The following CSMD1 variants were observed in gnomAD, a reference collection of about 807,000 sequenced individuals.
CSMD1 encodes CUB and Sushi multiple domains 1, also known as CUB and sushi domain-containing protein 1.
CSMD1 carries 213 observed loss-of-function variants against 417.5 expected under a neutral mutation model. The ratio of observed to expected loss-of-function variants is 0.51; its 90% CI spans 0.46 to 0.57. The LOEUF is 0.57. Among genes scored for constraint, CSMD1 ranks in the 20% least tolerant of loss-of-function variants. The pLI is 0.00. For missense variants in CSMD1, 6,923 were observed against 4,529.7 expected, an observed-to-expected ratio of 1.53 and a Z score of -15.17; for synonymous variants, 2,862 against 1,736.8, an observed-to-expected ratio of 1.65 and a Z score of -16.11.
intron 3 of CSMD1, among the ~76,000 whole-genome samples, chr8:4,214,230 G>A (rs950015001): frequency 6.6e-6 from 1 of 152,174 alleles, no homozygotes; most frequent in African/African-American, 2.4e-5. Flanking sequence ...GGACTAAAAT[G>A]GAAGTAAGCC....
At chr8:3,857,806 C>T (rs1563150586) in intron 5 of CSMD1, among the ~76,000 whole-genome samples, 1 of 152,114 alleles carries the variant, frequency 6.6e-6, no homozygotes, top group Non-Finnish European at 1.5e-5. Context: ...AACACCAGGC[C>T]AGAGTAGAAA....
At chr8:4,737,174 T>A (rs1402709704) in intron 1 of CSMD1, among the ~76,000 whole-genome samples, 1 of 152,184 alleles carries the variant, frequency 6.6e-6, no homozygotes, top group Non-Finnish European at 1.5e-5. Context: ...AATGAGATCA[T>A]GTCCTCTGCA....
chr8:3,808,820 A>T (rs1800897846), intron 5 of CSMD1, among the ~76,000 whole-genome samples: 1 of 152,214 alleles, frequency 6.6e-6, no homozygotes, highest in Non-Finnish European at 1.5e-5. Context: ...TTGGCAGTAG[A>T]GCAAGGCTAT....
intron 3 of CSMD1, among the ~76,000 whole-genome samples, chr8:4,323,235 A>C (rs1488472939): frequency 6.6e-6 from 1 of 152,234 alleles, no homozygotes; most frequent in African/African-American, 2.4e-5. Context: ...GAAGTTAGGC[A>C]TTATGTATAA....
At chr8:4,946,228 T>C (rs887305492) in intron 1 of CSMD1, among the ~76,000 whole-genome samples, 3 of 152,218 alleles carry the variant, frequency 2.0e-5, no homozygotes, top group Admixed American at 1.3e-4. Flanking sequence ...TAAATCCCTG[T>C]CTTGTTACGT....
intron 1 of CSMD1, among the ~76,000 whole-genome samples, chr8:4,843,734 A>G (rs765869586): frequency 6.6e-6 from 1 of 152,222 alleles, no homozygotes; most frequent in African/African-American, 2.4e-5. Context: ...CACAATGCCT[A>G]TCACAGTGCA....
At chr8:4,365,576 A>G (rs1248487347) in intron 3 of CSMD1, among the ~76,000 whole-genome samples, 1 of 152,192 alleles carries the variant, frequency 6.6e-6, no homozygotes, top group Non-Finnish European at 1.5e-5. Context: ...TATTGATGAT[A>G]TCAAGCAGAT....
chr8:4,456,234 T>C (rs909671564), intron 2 of CSMD1, among the ~76,000 whole-genome samples: 5 of 152,066 alleles, frequency 3.3e-5, no homozygotes, highest in Admixed American at 2.6e-4. Flanking sequence ...TCAGAAAATA[T>C]GCTTTAAAAT....
At chr8:3,728,553 G>A (rs944633818) in intron 6 of CSMD1, among the ~76,000 whole-genome samples, 14 of 152,242 alleles carry the variant, frequency 9.2e-5, no homozygotes, top group South Asian at 2.1e-4. Context: ...GTTTGCCTAT[G>A]TTCCAAGAGC....
chr8:4,451,198 G>C (rs897944964), intron 2 of CSMD1, among the ~76,000 whole-genome samples: 1 of 152,042 alleles, frequency 6.6e-6, no homozygotes, highest in Admixed American at 6.6e-5. Context: ...GTGTGATGAG[G>C]CATGTGCCTG....
In CSMD1 at chr8:3,142,040, G is replaced by A. The variant is rs185525357; in HGVS notation, c.6241+425C>T. On this transcript the variant is annotated intron_variant, in intron 41 of 69. Transcript: ENST00000635120. ...TCTCGATCTCCTGACCTCGTGATCC[G>A]CCCGCCTCGGCCTTCCAAAGTGCTG... Among the ~76,000 whole-genome samples the A allele has an allele frequency of 8.5e-3, 1,286 of 152,070 alleles. 11 individuals carry two copies. The highest frequency in any genetic ancestry group is 0.028 in the African/African-American group (1,158 of 41,466).
At chr8:3,982,334 A>G (rs1489363357) in intron 5 of CSMD1, among the ~76,000 whole-genome samples, 2 of 151,876 alleles carry the variant, frequency 1.3e-5, no homozygotes, top group Non-Finnish European at 2.9e-5. Context: ...CTCTGCCTCA[A>G]TATTCTCACC....
intron 26 of CSMD1, among the ~76,000 whole-genome samples, chr8:3,260,804 A>G (rs999360938): frequency 1.3e-5 from 2 of 152,230 alleles, no homozygotes; most frequent in Admixed American, 1.3e-4. Flanking sequence ...ATGAGACTTC[A>G]TCAAAACAGA....
At chr8:3,631,214 T>A (rs965671992) in intron 7 of CSMD1, among the ~76,000 whole-genome samples, 2 of 152,190 alleles carry the variant, frequency 1.3e-5, no homozygotes, top group African/African-American at 4.8e-5. Flanking sequence ...TATGTTGCTA[T>A]GTGGACAGCA....
At chr8:3,479,916 G>C (rs916852842) in intron 11 of CSMD1, among the ~76,000 whole-genome samples, 1 of 151,936 alleles carries the variant, frequency 6.6e-6, no homozygotes, top group Non-Finnish European at 1.5e-5. Context: ...TGAACTAAAA[G>C]GAAATTATGG....
chr8:4,435,458 T>A (rs553782052), intron 2 of CSMD1, among the ~76,000 whole-genome samples: 1 of 152,342 alleles, frequency 6.6e-6, no homozygotes, highest in East Asian at 1.9e-4. Flanking sequence ...TTATCACTGG[T>A]TTCCACAGAA....
chr8:4,484,980 C>CAAAAAAAAAAAAAAAAAAAAA lies in CSMD1; in HGVS notation c.303-64936_303-64916dup, dbSNP rs57398278. 9.3e-5 allele frequency among the ~76,000 whole-genome samples: 5 copies of CAAAAAAAAAAAAAAAAAAAAA among 53,940 alleles called. 1 individual carries two copies. The highest frequency in any genetic ancestry group is 7.9e-4 in the East Asian group (1 of 1,262). 35.4% of individuals were successfully genotyped at this position (53,940 alleles called of 152,430 possible). A position where few individuals can be genotyped will look rare whatever the true frequency, so the allele number is the denominator to read the frequency against. Reference sequence around the variant, plus strand: ...TGGTTGACAGAGTGAGACTCTGCCTCAAAAAAAAAAAAAAAAAAAAAAAAA... The same window carrying CAAAAAAAAAAAAAAAAAAAAA: ...TGGTTGACAGAGTGAGACTCTGCCTCAAAAAAAAAAAAAAAAAAAAAAAAAAAAAAAAAAAAAAAAAAAAAA... On this transcript the variant is annotated intron_variant, in intron 2 of 69. Transcript: ENST00000635120.
At chr8:4,766,296 T>G (rs1377461536) in intron 1 of CSMD1, among the ~76,000 whole-genome samples, 1 of 152,194 alleles carries the variant, frequency 6.6e-6, no homozygotes, top group Non-Finnish European at 1.5e-5. Flanking sequence ...AGTTACCTTT[T>G]TCATTCGGTG....
At position 3,118,523 on chromosome 8, in the gene CSMD1, A is replaced by G. The variant is rs978788563; in HGVS notation, c.6306T>C (p.Asp2102=). 7.4e-6 allele frequency: 12 copies of G among 1,613,956 alleles called. No homozygotes were observed. Among genetic ancestry groups the G allele is most frequent in the East Asian group, 4.5e-5 (2 of 44,872 alleles). ...PFQNGYMINS[D]YSVGQSVSFE... The stretch of plus-strand genomic sequence containing the variant: ...AAGATACTGATTGCCCCACGCTGTA[A>G]TCCGAGTTGATCATGTACCCATTCT... The change falls in exon 42 of 70, where the codon GAT becomes GAC. Residue 2102 remains aspartate, a synonymous_variant. Transcript: ENST00000635120.
Sources: gnomAD v4.1 joint callset for allele counts (sites outside exome capture counted in the v4.1 genomes callset) on GRCh38, gnomAD v4.1.1 for gene constraint, MANE v1.5 for transcripts, NCBI Gene and HGNC (gene_info 2026-07-23, HGNC 2026-07-21) for gene names.